Variants in PDE1C observed in about 807,000 individuals in gnomAD.
PDE1C encodes dual specificity calcium/calmodulin-dependent 3',5'-cyclic nucleotide phosphodiesterase 1C.
A neutral mutation model predicts 93.1 loss-of-function variants in PDE1C; 62 were observed. The observed-to-expected ratio is 0.67, with a 90% CI of 0.54 to 0.82. PDE1C has a LOEUF of 0.82. Among genes scored for constraint, PDE1C ranks in the 40% least tolerant of loss-of-function variants. The pLI, the probability that PDE1C is intolerant of heterozygous loss-of-function variation, is 0.00. For missense variants in PDE1C, 742 were observed against 884.6 expected (o/e 0.84, Z 2.04); for synonymous variants, 325 against 310.1 (o/e 1.05, Z -0.50).
At chr7:31,848,854 C>A (rs1792957651) in intron 8 of PDE1C, among the ~76,000 whole-genome samples, 1 of 152,186 alleles carries the variant, frequency 6.6e-6, no homozygotes, top group Non-Finnish European at 1.5e-5. Context: ...CCAGTGCTTC[C>A]CCAAGATAAC....
In PDE1C at chr7:32,193,815, C is replaced by A. The variant is rs969822254; in HGVS notation, c.136+15674G>T. On this transcript the variant is annotated intron_variant, in intron 2 of 18. Coordinates refer to the PDE1C transcript ENST00000396193. ...GGGGAGGACAGCTTTTTATTACATA[C>A]TACACTTTCTTAGTATAGAGTTATA... is the stretch of plus-strand genomic sequence containing the variant. 2.0e-5 allele frequency among the ~76,000 whole-genome samples: 3 copies of A among 151,442 alleles called. No homozygotes were observed. In the South Asian group the frequency reaches 6.2e-4, roughly 32 times the overall value.
chr7:32,220,497 C>T (rs1312916142), intron 1 of PDE1C, among the ~76,000 whole-genome samples: 1 of 152,168 alleles, frequency 6.6e-6, no homozygotes, highest in Non-Finnish European at 1.5e-5. Flanking sequence ...CTCTACAGCT[C>T]ACACCATCAG....
At chr7:32,074,269 G>T (rs936486485), upstream of PDE1C, among the ~76,000 whole-genome samples, 7 of 152,076 alleles carry the variant, frequency 4.6e-5, no homozygotes, top group Non-Finnish European at 1.0e-4. Context: ...GACCCCCCTG[G>T]TCTCTTTCAT....
At chr7:31,981,397 C>T (rs1812354744) in intron 2 of PDE1C, among the ~76,000 whole-genome samples, 1 of 152,150 alleles carries the variant, frequency 6.6e-6, no homozygotes, top group Admixed American at 6.5e-5. Flanking sequence ...ATTTATATCA[C>T]ATCTTCACTT....
At chr7:32,016,395 T>C (rs1390700745) in intron 2 of PDE1C, among the ~76,000 whole-genome samples, 1 of 152,240 alleles carries the variant, frequency 6.6e-6, no homozygotes, top group Admixed American at 6.5e-5. Flanking sequence ...CTATCAATTA[T>C]AAAACATTAA....
chr7:31,923,299 T>C (rs897058282), intron 2 of PDE1C, among the ~76,000 whole-genome samples: 21 of 152,160 alleles, frequency 1.4e-4, no homozygotes, highest in Non-Finnish European at 2.2e-4. Flanking sequence ...TTAGAATCAC[T>C]TGGAGAACTT....
intron 2 of PDE1C, among the ~76,000 whole-genome samples, chr7:32,208,603 G>A (rs897688518): frequency 6.6e-6 from 1 of 152,202 alleles, no homozygotes; most frequent in Non-Finnish European, 1.5e-5. Flanking sequence ...GTGAAAGCCA[G>A]TGAGGCAGTG....
the PDE1C span, chr7:31,651,417 C>T: frequency 1.1e-6 from 1 of 943,216 alleles, no homozygotes. Context: ...CTTGTTCTTG[C>T]TTTCTCAGTG....
At chr7:32,171,803 G>A (rs879938629) in intron 2 of PDE1C, among the ~76,000 whole-genome samples, 6 of 149,244 alleles carry the variant, frequency 4.0e-5, no homozygotes, top group Non-Finnish European at 5.9e-5. Context: ...CAATTCCCTT[G>A]GAAATAGAGG....
At chr7:31,732,531 G>A in the PDE1C span, among the ~76,000 whole-genome samples, 53 of 152,188 alleles carry the variant, frequency 3.5e-4, no homozygotes, top group African/African-American at 1.2e-3. Context: ...CTTTGGCTGC[G>A]TTTCCAGCAT....
chr7:32,032,513 C>T lies in PDE1C; in HGVS notation c.128+19041G>A, dbSNP rs147635478. ...GTGTGGAGACAGCCACTGACAGGAA[C>T]ACTGATTCCCAAAAGGCACATGTAA... On this transcript the variant is annotated intron_variant, in intron 2 of 17. Transcript: ENST00000396191. Among the ~76,000 whole-genome samples the T allele has an allele frequency of 9.1e-4, 138 of 152,284 alleles. 1 individual carries two copies. Among genetic ancestry groups the T allele is most frequent in the African/African-American group, 3.2e-3 (131 of 41,556 alleles).
chr7:32,317,435 C>A (rs986191279), intron 1 of PDE1C, among the ~76,000 whole-genome samples: 2 of 152,120 alleles, frequency 1.3e-5, no homozygotes, highest in Non-Finnish European at 1.5e-5. Flanking sequence ...CCACCTTTGC[C>A]TCTCTTTGTC....
intron 15 of PDE1C, among the ~76,000 whole-genome samples, chr7:31,813,109 T>C (rs2128717806): frequency 6.6e-6 from 1 of 152,260 alleles, no homozygotes; most frequent in East Asian, 1.9e-4. Context: ...ATTATTGTTA[T>C]TGCTTTTACT....
At chr7:32,267,091 G>A (rs1456498345) in intron 1 of PDE1C, among the ~76,000 whole-genome samples, 2 of 152,220 alleles carry the variant, frequency 1.3e-5, no homozygotes, top group African/African-American at 2.4e-5. Context: ...ACCTGGCCAA[G>A]CCCTGATAGG....
chr7:31,713,223 C>G, the PDE1C span, among the ~76,000 whole-genome samples: 1 of 152,184 alleles, frequency 6.6e-6, no homozygotes, highest in African/African-American at 2.4e-5. Context: ...ACAGCCATTC[C>G]AAATGGGAGA....
At chr7:32,363,781 C>T (rs1784181823) in intron 1 of PDE1C, among the ~76,000 whole-genome samples, 1 of 152,234 alleles carries the variant, frequency 6.6e-6, no homozygotes, top group Admixed American at 6.5e-5. Flanking sequence ...TTAAAAGCTA[C>T]TGATGGCAAG....
At chr7:31,702,104 C>A in the PDE1C span, among the ~76,000 whole-genome samples, 1 of 152,100 alleles carries the variant, frequency 6.6e-6, no homozygotes, top group East Asian at 1.9e-4. Context: ...CTGGTACTAC[C>A]TATTAGTCTT....
intron 1 of PDE1C, among the ~76,000 whole-genome samples, chr7:32,250,984 C>T (rs573253271): frequency 3.9e-5 from 6 of 152,322 alleles, no homozygotes; most frequent in Non-Finnish European, 7.3e-5. Flanking sequence ...ACAAGTCAAG[C>T]CGGATTAAGT....
chr7:32,029,225 T>C (rs1789927899), intron 2 of PDE1C, among the ~76,000 whole-genome samples: 1 of 135,288 alleles, frequency 7.4e-6, no homozygotes, highest in East Asian at 2.2e-4. Flanking sequence ...AGGAAATCCT[T>C]ATACATTGTT....
Sources: allele counts gnomAD v4.1 joint callset (sites outside exome capture counted in the v4.1 genomes callset), GRCh38; gene constraint gnomAD v4.1.1; transcripts MANE v1.5; gene names NCBI Gene and HGNC (gene_info 2026-07-23, HGNC 2026-07-21).